Variants in MINPP1 observed in about 807,000 individuals in gnomAD.
MINPP1 encodes multiple inositol-polyphosphate phosphatase 1.
A neutral mutation model predicts 46.1 loss-of-function variants in MINPP1; 28 were observed. The observed-to-expected ratio is 0.61, with a 90% CI of 0.45 to 0.83. MINPP1 has a LOEUF of 0.83. MINPP1 is among the 40% of genes least tolerant of loss of function. The pLI, the probability that MINPP1 is intolerant of heterozygous loss-of-function variation, is 0.00. For missense variants in MINPP1, 603 were observed against 610.0 expected, an observed-to-expected ratio of 0.99 and a Z score of 0.12; for synonymous variants, 268 against 249.1, an observed-to-expected ratio of 1.08 and a Z score of -0.72.
rs922393026 is a variant in MINPP1 at position 87,553,307 on chromosome 10, T to C, written c.*829T>C. The C allele has an allele frequency of 3.3e-5, 5 of 152,114 alleles. No individual in the cohort carries two copies. Among genetic ancestry groups the C allele is most frequent in the Admixed American group, 6.6e-5 (1 of 15,240 alleles). 9.4% of individuals were successfully genotyped at this position (152,114 alleles called of 1,614,324 possible). ...GTATCTTTTGGTTGTTTGATTTTTC[T>C]TTCTTTCTTTGTAAATAGTTCTGAG... On this transcript the variant is annotated 3_prime_UTR_variant, in exon 5 of 5. Transcript: ENST00000371996.
At chr10:87,524,723 G>A (rs1349959647) in intron 4 of MINPP1, among the ~76,000 whole-genome samples, 2 of 152,130 alleles carry the variant, frequency 1.3e-5, no homozygotes, top group Non-Finnish European at 2.9e-5. Context: ...TTATATCTCA[G>A]GGAATAGGGA....
intron 4 of MINPP1, among the ~76,000 whole-genome samples, chr10:87,543,594 C>T (rs1433798542): frequency 6.6e-6 from 1 of 152,122 alleles, no homozygotes; most frequent in Admixed American, 6.5e-5. Flanking sequence ...GTCAAGGTTG[C>T]AGTGAGCTAT....
chr10:87,525,405 G>A (rs1564676745), intron 4 of MINPP1, among the ~76,000 whole-genome samples: 2 of 152,300 alleles, frequency 1.3e-5, no homozygotes, highest in South Asian at 2.1e-4. Flanking sequence ...CTTTGTGACA[G>A]GCTTTTATGA....
At chr10:87,537,874 A>G (rs1204598201) in intron 4 of MINPP1, among the ~76,000 whole-genome samples, 3 of 152,128 alleles carry the variant, frequency 2.0e-5, no homozygotes, top group Admixed American at 6.6e-5. Context: ...GGCTCAGGCA[A>G]TCCTCCCACC....
intron 4 of MINPP1, among the ~76,000 whole-genome samples, chr10:87,525,664 TTAGGTA>T (rs1298978721): frequency 3.3e-5 from 5 of 152,170 alleles, no homozygotes; most frequent in African/African-American, 9.7e-5. Context: ...GTCATTTACG[TTAGGTA>T]TATCTCCTAA....
In MINPP1 at chr10:87,552,337, G is replaced by A; in HGVS notation, c.1323G>A (p.Lys441=). 6.2e-7 allele frequency: 1 copy of A among 1,613,750 alleles called. No homozygotes were observed. Among genetic ancestry groups the A allele is most frequent in the Non-Finnish European group, 8.5e-7 (1 of 1,179,788 alleles). The change falls in exon 5 of 5, where the codon AAG becomes AAA. Residue 441 remains lysine (K), a synonymous_variant. Coordinates refer to ENST00000371996, the MANE Select transcript of MINPP1 (RefSeq NM_004897.5). ...QFRVQMLLNE[K]VLPLAYSQET... ...GAGTGCAGATGTTATTAAATGAAAA[G>A]GTGTTACCTTTGGCTTACTCACAAG...
At chr10:87,515,029 C>T (rs570135445) in intron 3 of MINPP1, among the ~76,000 whole-genome samples, 104 of 151,818 alleles carry the variant, frequency 6.9e-4, no homozygotes, top group Admixed American at 1.2e-3. Context: ...GATGTTTGAT[C>T]ATTAGATTAC....
chr10:87,519,233 A>T (rs1471066585), intron 3 of MINPP1, among the ~76,000 whole-genome samples: 2 of 152,188 alleles, frequency 1.3e-5, no homozygotes, highest in East Asian at 3.9e-4. Flanking sequence ...GAAGAGGGAT[A>T]CCTTACATCA....
chr10:87,527,013 T>C (rs554882850), intron 4 of MINPP1, among the ~76,000 whole-genome samples: 2 of 152,226 alleles, frequency 1.3e-5, no homozygotes, highest in Non-Finnish European at 2.9e-5. Context: ...GGCTTAGGAT[T>C]GTCTTGGCAA....
At chr10:87,551,931 G>C in intron 4 of MINPP1, 151 bp from the exon 5 acceptor site, 1 of 654,670 alleles carries the variant, frequency 1.5e-6, no homozygotes, top group Admixed American at 3.1e-5. Context: ...CGGAATTTCA[G>C]CCGTATGCTT....
rs375629323 is a variant in MINPP1, at chr10:87,504,956, C to T, written c.41C>T (p.Ala14Val). 1 of 1,611,828 alleles carries T rather than the reference C, an allele frequency of 6.2e-7. No homozygotes were observed. Among genetic ancestry groups the T allele is most frequent in the South Asian group, 1.1e-5 (1 of 90,904 alleles). The stretch of plus-strand genomic sequence containing the variant: ...GGCTGCCTCCTCCGGACCTCCGTAG[C>T]GCCTGCCGCGGCCCTGGCTGCGGCG... ...APGCLLRTSV[A>V]PAAALAAALL... The change falls in exon 1 of 5, where the codon GCG becomes GTG. Residue 14 changes from alanine (A) to valine (V), a missense_variant. Coordinates refer to ENST00000371996, the MANE Select transcript of MINPP1 (RefSeq NM_004897.5).
In MINPP1 at chr10:87,548,653, AAT is replaced by A. The variant is rs530248209; in HGVS notation, c.1068-3423_1068-3422del. 9.8e-3 allele frequency among the ~76,000 whole-genome samples: 1,488 copies of A among 152,146 alleles called. 18 individuals carry two copies. Among genetic ancestry groups the A allele is most frequent in the African/African-American group, 0.034 (1,418 of 41,538 alleles). Reference sequence around the variant, plus strand: ...AATATTTATACTTGGTTATTGTAAAAATATATAAATTATAAAAATAAAATTAT... The same window carrying A: ...AATATTTATACTTGGTTATTGTAAAAATATAAATTATAAAAATAAAATTAT... On this transcript the variant is annotated intron_variant, in intron 4 of 4. Transcript: ENST00000371996.
intron 2 of MINPP1, among the ~76,000 whole-genome samples, chr10:87,510,990 T>C (rs1851326531): frequency 6.6e-6 from 1 of 152,206 alleles, no homozygotes; most frequent in Non-Finnish European, 1.5e-5. Flanking sequence ...ATTTGATTAA[T>C]GAAAAATAGT....
intron 4 of MINPP1, 146 bp from the exon 5 acceptor site, chr10:87,551,936 A>T (rs1330499303): frequency 1.5e-6 from 1 of 666,964 alleles, no homozygotes; most frequent in Admixed American, 3.1e-5. Flanking sequence ...TTTCAGCCGT[A>T]TGCTTGTGTA....
intron 4 of MINPP1, among the ~76,000 whole-genome samples, chr10:87,537,246 A>G (rs1851749097): frequency 1.3e-5 from 2 of 152,032 alleles, no homozygotes; most frequent in South Asian, 4.1e-4. Flanking sequence ...CGTCTTTTTC[A>G]CTTTTTAAGA....
At chr10:87,520,952 C>T in intron 3 of MINPP1, 84 bp from the exon 4 acceptor site, 1 of 669,248 alleles carries the variant, frequency 1.5e-6, no homozygotes, top group Non-Finnish European at 2.6e-6. Context: ...ACATTGTAAC[C>T]ATTTCTTAGA....
At chr10:87,547,504 G>C (rs1200001114) in intron 4 of MINPP1, among the ~76,000 whole-genome samples, 1 of 152,050 alleles carries the variant, frequency 6.6e-6, no homozygotes, top group Non-Finnish European at 1.5e-5. Flanking sequence ...CTTATAAAAG[G>C]CATTAAGGTT....
intron 2 of MINPP1, among the ~76,000 whole-genome samples, chr10:87,511,108 C>A (rs1240305191): frequency 6.6e-6 from 1 of 152,086 alleles, no homozygotes; most frequent in African/African-American, 2.4e-5. Context: ...TAATTTTGTT[C>A]ATTTTCTATT....
chr10:87,526,573 G>A (rs556283824), intron 4 of MINPP1, among the ~76,000 whole-genome samples: 11 of 152,246 alleles, frequency 7.2e-5, no homozygotes, highest in African/African-American at 2.4e-4. Context: ...GTCAATTTTG[G>A]CTTTTGTTGC....
Sources: gnomAD v4.1 joint callset for allele counts (sites outside exome capture counted in the v4.1 genomes callset) on GRCh38, gnomAD v4.1.1 for gene constraint, MANE v1.5 for transcripts, NCBI Gene and HGNC (gene_info 2026-07-23, HGNC 2026-07-21) for gene names.